Variants in NAA38 observed in about 807,000 individuals in gnomAD.
The protein encoded by NAA38 is LSM domain containing 1.
NAA38 carries 15 observed loss-of-function variants against 12.6 expected under a neutral mutation model. That is an observed-to-expected ratio of 1.19 (90% confidence interval 0.79 to 1.83). The LOEUF is 1.83. NAA38 is among the 40% of genes most tolerant of loss of function. The pLI is 0.00. For synonymous variants in NAA38, 88 were observed against 69.9 expected, an observed-to-expected ratio of 1.26 and a Z score of -1.29; for missense variants, 183 against 171.7, an observed-to-expected ratio of 1.07 and a Z score of -0.37.
At chr17:7,878,184 A>C (rs547382499) in intron 2 of NAA38, among the ~76,000 whole-genome samples, 24 of 152,172 alleles carry the variant, frequency 1.6e-4, no homozygotes, top group Non-Finnish European at 2.5e-4. Context: ...CCTTTTAAAG[A>C]ACATTCATTT....
chr17:7,861,203 T>G (rs1188788253), upstream of NAA38: 2 of 152,066 alleles, frequency 1.3e-5, no homozygotes, highest in Non-Finnish European at 2.9e-5. Flanking sequence ...GAGTTTAGTG[T>G]GTCTTCTGGC....
chr17:7,859,345 C>G (rs148163823), upstream of NAA38: 1 of 1,563,408 alleles, frequency 6.4e-7, no homozygotes, highest in Non-Finnish European at 8.8e-7. Context: ...ATACTCCATC[C>G]AGAATTCTGG....
intron 3 of NAA38, chr17:7,866,144 C>T (rs1355134135): frequency 2.6e-4 from 42 of 162,012 alleles, no homozygotes; most frequent in East Asian, 4.7e-4. Flanking sequence ...TGGAGTGCAG[C>T]GGCACGATCT....
upstream of NAA38, chr17:7,859,906 A>C (rs545250303): frequency 2.8e-4 from 113 of 396,958 alleles, no homozygotes; most frequent in Non-Finnish European, 4.4e-4. Context: ...TTTGATAGTT[A>C]AGAGAGAGTA....
At chr17:7,884,862 A>T in intron 1 of NAA38, 1 of 1,207,442 alleles carries the variant, frequency 8.3e-7, no homozygotes, top group Non-Finnish European at 1.1e-6. Context: ...GTGGTGTCGG[A>T]GGAGGAAGAA....
At chr17:7,873,559 TAAG>T (rs1967123497) in intron 2 of NAA38, among the ~76,000 whole-genome samples, 1 of 152,020 alleles carries the variant, frequency 6.6e-6, no homozygotes, top group African/African-American at 2.4e-5. Context: ...CTTTCAAAGA[TAAG>T]GAGATTTGAG....
chr17:7,857,502 G>A lies in NAA38; in HGVS notation c.-39C>T, dbSNP rs751245781. The stretch of plus-strand genomic sequence containing the variant: ...TCCTCTGGGCCTTTCAACTTCCTAA[G>A]CACCTTTCAGGTTGGGTGGTCCGAG... On this transcript the variant is annotated 5_prime_UTR_variant, in exon 1 of 3. Transcript: ENST00000575771. 3 of 1,489,618 alleles carry A rather than the reference G, an allele frequency of 2.0e-6. No homozygotes were observed. Among genetic ancestry groups the A allele is most frequent in the Non-Finnish European group, 2.7e-6 (3 of 1,121,366 alleles). 92.3% of individuals were successfully genotyped at this position (1,489,618 alleles called of 1,614,324 possible).
chr17:7,877,064 G>C, intron 2 of NAA38: 1 of 387,864 alleles, frequency 2.6e-6, no homozygotes, highest in South Asian at 1.9e-5. Context: ...CAAAGAACCA[G>C]AGATTCATGA....
intron 3 of NAA38, chr17:7,864,173 G>A (rs1966922329): frequency 6.6e-6 from 1 of 152,218 alleles, no homozygotes; most frequent in Non-Finnish European, 1.5e-5. Context: ...TTGGCTGTAA[G>A]AATGCACACA....
intron 1 of NAA38, among the ~76,000 whole-genome samples, chr17:7,883,575 G>GA (rs1396258501): frequency 4.6e-5 from 7 of 151,854 alleles, no homozygotes; most frequent in Admixed American, 1.3e-4. Flanking sequence ...GGACTCCTTT[G>GA]AAAAAAACTC....
At chr17:7,872,977 T>C (rs1044487587) in intron 2 of NAA38, among the ~76,000 whole-genome samples, 7 of 152,142 alleles carry the variant, frequency 4.6e-5, no homozygotes, top group African/African-American at 1.7e-4. Flanking sequence ...TGGTAGCACA[T>C]AGGAGGAGCA....
upstream of NAA38, chr17:7,859,857 G>A (rs1191480057): frequency 9.8e-6 from 5 of 512,268 alleles, no homozygotes; most frequent in African/African-American, 3.8e-5. Flanking sequence ...TTGGTTTAGG[G>A]AGATGTAGAA....
At chr17:7,861,880 T>C (rs531757414), upstream of NAA38, 1 of 152,242 alleles carries the variant, frequency 6.6e-6, no homozygotes, top group African/African-American at 2.4e-5. Context: ...AATTCAAAGA[T>C]CTTGTATAAA....
chr17:7,868,209 G>A (rs576872383), intron 2 of NAA38, among the ~76,000 whole-genome samples: 5 of 152,208 alleles, frequency 3.3e-5, no homozygotes, highest in Admixed American at 6.5e-5. Flanking sequence ...CAAAGGAAGA[G>A]CTAGAGGGTG....
chr17:7,867,060 A>G (rs1283469781), intron 2 of NAA38, among the ~76,000 whole-genome samples: 2 of 152,182 alleles, frequency 1.3e-5, no homozygotes, highest in East Asian at 1.9e-4. Context: ...TGGGGAGGAC[A>G]AGGGATAGGT....
intron 1 of NAA38, chr17:7,885,020 C>T (rs947791226): frequency 2.0e-5 from 24 of 1,207,578 alleles, no homozygotes; most frequent in Non-Finnish European, 2.4e-5. Context: ...CGGCTGCCAC[C>T]TCTTCCCGCC....
intron 1 of NAA38, chr17:7,884,929 G>C: frequency 7.1e-7 from 1 of 1,411,008 alleles, no homozygotes; most frequent in Non-Finnish European, 9.3e-7. Flanking sequence ...CGGCCGACGA[G>C]GACGATGAGG....
intron 2 of NAA38, among the ~76,000 whole-genome samples, chr17:7,868,657 G>C (rs572496530): frequency 6.6e-6 from 1 of 152,266 alleles, no homozygotes; most frequent in South Asian, 2.1e-4. Context: ...ACTATAAAGA[G>C]TCCTTGGAAA....
At chr17:7,872,740 C>G (rs1967108299) in intron 2 of NAA38, among the ~76,000 whole-genome samples, 1 of 152,218 alleles carries the variant, frequency 6.6e-6, no homozygotes, top group Non-Finnish European at 1.5e-5. Flanking sequence ...TTTATATTTT[C>G]ACAAATAGTT....
Sources: gnomAD v4.1 joint callset for allele counts (sites outside exome capture counted in the v4.1 genomes callset) on GRCh38, gnomAD v4.1.1 for gene constraint, MANE v1.5 for transcripts, NCBI Gene and HGNC (gene_info 2026-07-23, HGNC 2026-07-21) for gene names.